The following ERBB4 variants were observed in gnomAD, a reference collection of about 807,000 sequenced individuals.
ERBB4 encodes erb-b2 receptor tyrosine kinase 4.
Under a neutral mutation model 158.0 loss-of-function variants are expected in ERBB4, and 42 were observed. The observed-to-expected ratio is 0.27, with a 90% CI of 0.21 to 0.34. The LOEUF (loss-of-function observed/expected upper bound fraction) is 0.34, where lower values mean the gene tolerates loss of function less well. Among genes scored for constraint, ERBB4 ranks in the 10% least tolerant of loss-of-function variants. The pLI is 1.00. For missense variants in ERBB4, 1,333 were observed against 1,624.1 expected (o/e 0.82, Z 3.08); for synonymous variants, 583 against 558.7 (o/e 1.04, Z -0.61).
intron 25 of ERBB4, among the ~76,000 whole-genome samples, chr2:211,389,494 G>A (rs1248673638): frequency 6.6e-6 from 1 of 152,064 alleles, no homozygotes; most frequent in East Asian, 1.9e-4. Flanking sequence ...GACTAATCAA[G>A]GGACATGGTC....
intron 1 of ERBB4, among the ~76,000 whole-genome samples, chr2:212,166,987 C>A (rs535229546): frequency 1.5e-4 from 23 of 152,174 alleles, no homozygotes; most frequent in Admixed American, 1.5e-3. Context: ...ACCATAAAAA[C>A]CCTAGAAGAA....
chr2:211,582,231 C>G (rs765221151), intron 19 of ERBB4, among the ~76,000 whole-genome samples: 1 of 152,146 alleles, frequency 6.6e-6, no homozygotes, highest in African/African-American at 2.4e-5. Context: ...TAAGGGTAGG[C>G]GTGCCGGCTT....
intron 1 of ERBB4, among the ~76,000 whole-genome samples, chr2:212,363,896 T>C (rs568289948): frequency 2.6e-5 from 4 of 151,746 alleles, no homozygotes; most frequent in South Asian, 4.2e-4. Context: ...TTATGACTCA[T>C]AGATACCAAA....
chr2:212,193,917 A>G (rs1031192672), intron 1 of ERBB4, among the ~76,000 whole-genome samples: 4 of 152,034 alleles, frequency 2.6e-5, no homozygotes, highest in Non-Finnish European at 5.9e-5. Context: ...CTAAATACTA[A>G]GGTTATTTTT....
chr2:212,201,634 G>A (rs1161286459), intron 1 of ERBB4, among the ~76,000 whole-genome samples: 1 of 152,106 alleles, frequency 6.6e-6, no homozygotes, highest in Non-Finnish European at 1.5e-5. Flanking sequence ...TGGAATTACT[G>A]AAGCATGTCC....
intron 2 of ERBB4, among the ~76,000 whole-genome samples, chr2:211,956,113 A>T (rs1172749954): frequency 6.6e-6 from 1 of 151,702 alleles, no homozygotes; most frequent in Non-Finnish European, 1.5e-5. Context: ...TGAAGCTTGT[A>T]TTTCAAATAG....
At chr2:212,311,842 G>A (rs1456234069) in intron 1 of ERBB4, among the ~76,000 whole-genome samples, 1 of 150,964 alleles carries the variant, frequency 6.6e-6, no homozygotes, top group East Asian at 2.0e-4. Flanking sequence ...TGCAGAGAAA[G>A]CCACATCTAC....
chr2:211,926,428 T>G (rs1027517369), intron 3 of ERBB4, among the ~76,000 whole-genome samples: 1 of 152,140 alleles, frequency 6.6e-6, no homozygotes, highest in African/African-American at 2.4e-5. Context: ...TAAAACATAT[T>G]ATAATTGAAA....
intron 20 of ERBB4, among the ~76,000 whole-genome samples, chr2:211,475,792 A>T (rs1280056722): frequency 1.3e-5 from 2 of 152,124 alleles, no homozygotes; most frequent in Non-Finnish European, 2.9e-5. Flanking sequence ...TAACTATAGG[A>T]TTAAGTGAAA....
chr2:212,057,479 A>T (rs1386958092), intron 2 of ERBB4, among the ~76,000 whole-genome samples: 2 of 152,116 alleles, frequency 1.3e-5, no homozygotes, highest in Non-Finnish European at 1.5e-5. Context: ...GAATATACAT[A>T]CTTCTCAGCA....
intron 1 of ERBB4, among the ~76,000 whole-genome samples, chr2:212,214,620 G>C (rs2083040203): frequency 1.3e-5 from 2 of 151,502 alleles, no homozygotes; most frequent in South Asian, 2.1e-4. Flanking sequence ...CCAGAACATA[G>C]AGCAAGAACT....
chr2:211,890,091 G>C lies in ERBB4; in HGVS notation c.421+57339C>G, dbSNP rs1390251983. Among the ~76,000 whole-genome samples, 4 of 86,942 alleles carry C rather than the reference G, an allele frequency of 4.6e-5. No homozygotes were observed. The East Asian group carries it at 8.3e-4, about 18-fold the overall frequency. 57.0% of individuals were successfully genotyped at this position (86,942 alleles called of 152,430 possible). ...TACTCCTCGAGAAGAGCAACTCCAA[G>C]ACACATAATTGTCAGATTCACCAAA... On this transcript the variant is annotated intron_variant, in intron 3 of 27. Transcript: ENST00000342788.
chr2:211,522,270 C>A (rs2066207891), intron 20 of ERBB4, among the ~76,000 whole-genome samples: 1 of 152,068 alleles, frequency 6.6e-6, no homozygotes, highest in Non-Finnish European at 1.5e-5. Flanking sequence ...GATTCCAACT[C>A]TCATGGATGA....
At chr2:212,209,969 T>C (rs1318332956) in intron 1 of ERBB4, among the ~76,000 whole-genome samples, 2 of 151,958 alleles carry the variant, frequency 1.3e-5, no homozygotes, top group African/African-American at 4.8e-5. Flanking sequence ...CTGAATCAGA[T>C]TGTGGATATG....
At chr2:212,172,645 G>A (rs1253884954) in intron 1 of ERBB4, among the ~76,000 whole-genome samples, 1 of 152,112 alleles carries the variant, frequency 6.6e-6, no homozygotes, top group Non-Finnish European at 1.5e-5. Flanking sequence ...TATGGATGGA[G>A]CTGGAGGCCA....
At chr2:212,133,661 G>T (rs890989567) in intron 1 of ERBB4, among the ~76,000 whole-genome samples, 5 of 151,314 alleles carry the variant, frequency 3.3e-5, no homozygotes, top group African/African-American at 9.7e-5. Context: ...AAAAAAAAAG[G>T]TAAAGAATAT....
intron 3 of ERBB4, among the ~76,000 whole-genome samples, chr2:211,843,726 ATTGTT>A (rs1357462516): frequency 7.0e-6 from 1 of 143,350 alleles, no homozygotes; most frequent in Non-Finnish European, 1.6e-5. Flanking sequence ...ATGAGCTTTC[ATTGTT>A]TTAACTACCA....
intron 3 of ERBB4, among the ~76,000 whole-genome samples, chr2:211,899,290 G>T (rs921398303): frequency 6.6e-6 from 1 of 152,088 alleles, no homozygotes; most frequent in African/African-American, 2.4e-5. Context: ...GGTTTAAAAT[G>T]AAGCTATCTT....
chr2:212,008,113 C>T (rs1304593366), intron 2 of ERBB4, among the ~76,000 whole-genome samples: 1 of 152,064 alleles, frequency 6.6e-6, no homozygotes, highest in Non-Finnish European at 1.5e-5. Flanking sequence ...CAATTACTTA[C>T]TGAGCTGTAT....
Sources: gnomAD v4.1 joint callset for allele counts (sites outside exome capture counted in the v4.1 genomes callset) on GRCh38, gnomAD v4.1.1 for gene constraint, MANE v1.5 for transcripts, NCBI Gene and HGNC (gene_info 2026-07-23, HGNC 2026-07-21) for gene names.